The following ERMARD variants were observed in gnomAD, a reference collection of about 807,000 sequenced individuals.
The protein encoded by ERMARD is endoplasmic reticulum membrane-associated RNA degradation protein.
A neutral mutation model predicts 83.9 loss-of-function variants in ERMARD; 71 were observed. That is an observed-to-expected ratio of 0.85 (90% confidence interval 0.70 to 1.03). The LOEUF is 1.03. Among genes scored for constraint, ERMARD ranks in the 50% least tolerant of loss-of-function variants. The pLI is 0.00. For missense variants in ERMARD, 838 were observed against 810.9 expected, an observed-to-expected ratio of 1.03 and a Z score of -0.41; for synonymous variants, 284 against 298.6, an observed-to-expected ratio of 0.95 and a Z score of 0.50.
intron 16 of ERMARD, among the ~76,000 whole-genome samples, chr6:169,778,057 C>CA (rs763818742): frequency 6.6e-6 from 1 of 152,238 alleles, no homozygotes; most frequent in South Asian, 2.1e-4. Flanking sequence ...CACCCACACT[C>CA]ACTCTGGGAC....
chr6:169,776,278 G>A, intron 15 of ERMARD, 177 bp from the exon 16 acceptor site: 1 of 1,550,250 alleles, frequency 6.5e-7, no homozygotes, highest in Non-Finnish European at 8.7e-7. Flanking sequence ...CATTCTGTTT[G>A]CCACAATTCA....
intron 5 of ERMARD, among the ~76,000 whole-genome samples, chr6:169,757,052 C>G (rs1259309318): frequency 6.6e-6 from 1 of 152,144 alleles, no homozygotes; most frequent in African/African-American, 2.4e-5. Context: ...GAGACTTATT[C>G]ACTATCATGA....
At chr6:169,753,330 G>C (rs1790384933) in intron 1 of ERMARD, 2 of 154,338 alleles carry the variant, frequency 1.3e-5, no homozygotes, top group Non-Finnish European at 2.9e-5. Flanking sequence ...CATGTTTTGG[G>C]ATGACATTGT....
chr6:169,768,984 G>C (rs989016459), intron 11 of ERMARD, among the ~76,000 whole-genome samples: 3 of 152,142 alleles, frequency 2.0e-5, no homozygotes, highest in African/African-American at 7.2e-5. Flanking sequence ...CGTGCTCTGT[G>C]GACATCCATT....
At chr6:169,764,102 A>G (rs923983183) in intron 9 of ERMARD, among the ~76,000 whole-genome samples, 22 of 152,172 alleles carry the variant, frequency 1.4e-4, no homozygotes, top group Non-Finnish European at 2.4e-4. Context: ...AGTGGCCAGC[A>G]CAGCCGGTGG....
In ERMARD at chr6:169,776,837, T is replaced by C. The variant is rs1793667409; in HGVS notation, c.1739+164T>C. 2.0e-5 allele frequency among the ~76,000 whole-genome samples: 3 copies of C among 152,196 alleles called. 1 individual carries two copies. In the South Asian group the frequency reaches 6.2e-4, roughly 31 times the overall value. ...CACAACTGAGTGTGAACCCAAAGTA[T>C]CTGAGACAGGTCTCAATCCAGTTAG... is the stretch of plus-strand genomic sequence containing the variant. On this transcript the variant is annotated intron_variant, in intron 16 of 17. Coordinates refer to ENST00000366773, the MANE Select transcript of ERMARD (RefSeq NM_018341.3).
chr6:169,775,131 C>T (rs549890407), intron 13 of ERMARD, 139 bp from the exon 14 acceptor site: 102 of 871,832 alleles, frequency 1.2e-4, no homozygotes, highest in Admixed American at 7.1e-4. Flanking sequence ...AGAACTGACA[C>T]CCACCATCTG....
chr6:169,774,061 C>T (rs796620569), intron 13 of ERMARD, among the ~76,000 whole-genome samples: 5 of 152,130 alleles, frequency 3.3e-5, no homozygotes, highest in Non-Finnish European at 7.3e-5. Context: ...AGAGGCTGGG[C>T]GCAGTGTCTC....
intron 8 of ERMARD, 25 bp downstream of exon 8, chr6:169,760,781 T>G (rs1345112922): frequency 6.7e-7 from 1 of 1,493,350 alleles, no homozygotes; most frequent in East Asian, 2.3e-5. Context: ...CATGGCAGAG[T>G]GGTTTGCAGT....
Position 169,778,061 on chromosome 6 carries a change from C to T in ERMARD, c.1740-1121C>T, listed in dbSNP as rs78424923. On this transcript the variant is annotated intron_variant, in intron 16 of 17. Transcript: ENST00000366773. ...GACGAGTCACACACCCACACTCACT[C>T]TGGGACCATGGAGATGCGCCAGTTC... Among the ~76,000 whole-genome samples, 95 of 152,332 alleles carry T rather than the reference C, an allele frequency of 6.2e-4. No individual in the cohort carries two copies. In the East Asian group the frequency reaches 0.018, roughly 28 times the overall value.
At chr6:169,751,714 C>T (rs929180693) in intron 1 of ERMARD, 51 bp downstream of exon 1, 2 of 1,522,086 alleles carry the variant, frequency 1.3e-6, no homozygotes, top group East Asian at 5.0e-5. Context: ...AGGGAGTCGG[C>T]GCCAGGCTGG....
At chr6:169,778,147 G>A (rs750670853) in intron 16 of ERMARD, among the ~76,000 whole-genome samples, 8 of 152,204 alleles carry the variant, frequency 5.3e-5, no homozygotes, top group Admixed American at 1.3e-4. Context: ...AACCCATGCC[G>A]AACCCATAAC....
At chr6:169,771,077 C>CTTTTT (rs60995171) in intron 12 of ERMARD, 47 of 141,194 alleles carry the variant, frequency 3.3e-4, no homozygotes, top group Non-Finnish European at 4.0e-4. Flanking sequence ...TCTTTTCTTT[C>CTTTTT]TTTTTTTTTT....
chr6:169,764,321 G>A (rs975841091), intron 9 of ERMARD, among the ~76,000 whole-genome samples: 4 of 150,706 alleles, frequency 2.7e-5, no homozygotes, highest in African/African-American at 9.8e-5. Flanking sequence ...CTGAAGTGCG[G>A]TGGTGCAGTC....
intron 16 of ERMARD, among the ~76,000 whole-genome samples, chr6:169,778,966 C>T (rs560202547): frequency 6.6e-6 from 1 of 152,346 alleles, no homozygotes; most frequent in East Asian, 1.9e-4. Flanking sequence ...GAAATGCGGA[C>T]GTGCAGGATG....
rs767803316 is a variant in ERMARD at position 169,751,673 on chromosome 6, G to T, written c.6+10G>T. ...ACCGGAAGTTATGGAGGTAGGGCGG[G>T]TGTAGGGCCCGGTTCGATCCCGAGC... On this transcript the variant is annotated intron_variant, in intron 1 of 17. Transcript: ENST00000366773. 153 of 1,554,204 alleles carry T rather than the reference G, an allele frequency of 9.8e-5. No individual in the cohort carries two copies. Among genetic ancestry groups the T allele is most frequent in the Non-Finnish European group, 1.3e-4 (152 of 1,149,378 alleles).
chr6:169,781,282 T>C (rs775934883), intron 17 of ERMARD, 48 bp from the exon 18 acceptor site: 2 of 1,500,340 alleles, frequency 1.3e-6, no homozygotes, highest in South Asian at 2.7e-5. Flanking sequence ...TAATTCATTG[T>C]TTCATTTTAT....
chr6:169,756,465 T>C, intron 4 of ERMARD, 26 bp downstream of exon 4: 1 of 1,477,700 alleles, frequency 6.8e-7, no homozygotes, highest in Non-Finnish European at 9.3e-7. Flanking sequence ...CTTTCATTAT[T>C]GGCCCATTAA....
In ERMARD at chr6:169,760,673, A is replaced by G. The variant is rs755555970; in HGVS notation, c.774A>G (p.Glu258=). 91 of 1,613,248 alleles carry G rather than the reference A, an allele frequency of 5.6e-5. No homozygotes were observed. The highest frequency in any genetic ancestry group is 7.3e-5 in the Non-Finnish European group (86 of 1,179,342). The change falls in exon 8 of 18, where the codon GAA becomes GAG. Residue 258 remains glutamate (E), a synonymous_variant. Coordinates refer to ENST00000366773, the MANE Select transcript of ERMARD (RefSeq NM_018341.3). The part of the protein sequence containing the change: ...DVTYEVLSVL[E]EVMMKSAFIL... ...CTTATGAGGTGCTTTCAGTATTAGA[A>G]GAAGTGATGATGAAATCTGCTTTTA...
Sources: allele counts gnomAD v4.1 joint callset (sites outside exome capture counted in the v4.1 genomes callset), GRCh38; gene constraint gnomAD v4.1.1; transcripts MANE v1.5; gene names NCBI Gene and HGNC (gene_info 2026-07-23, HGNC 2026-07-21).